Variants in SAMD10 observed in about 807,000 individuals in gnomAD.
The protein encoded by SAMD10 is sterile alpha motif domain-containing protein 10.
In SAMD10, 16 loss-of-function variants were observed where a neutral mutation model predicts 22.5. The ratio of observed to expected loss-of-function variants is 0.71; its 90% CI spans 0.48 to 1.08. SAMD10 has a LOEUF of 1.08. Among genes scored for constraint, SAMD10 ranks in the 50% least tolerant of loss-of-function variants. SAMD10 has a pLI of 0.00. For synonymous variants in SAMD10, 118 were observed against 122.2 expected (o/e 0.97, Z 0.23); for missense variants, 227 against 281.3 (o/e 0.81, Z 1.38).
rs1011060843 is a variant in SAMD10 at position 63,979,551 on chromosome 20, C to T, written c.-84G>A. 3 of 988,976 alleles carry T rather than the reference C, an allele frequency of 3.0e-6. No individual in the cohort carries two copies. The highest frequency in any genetic ancestry group is 2.4e-6 in the Non-Finnish European group (2 of 833,594). 61.3% of individuals were successfully genotyped at this position (988,976 alleles called of 1,614,324 possible). On this transcript the variant is annotated 5_prime_UTR_variant, in exon 1 of 5. Transcript: ENST00000369886. The surrounding 1 kb of genome is among the most constrained non-coding windows in gnomAD (Gnocchi z 7.7). ...GTGGCCGGCGGGGAACGCGCGCCGC[C>T]GCCCCGCCCCGCCCCAGCCGGCCCC...
chr20:63,978,226 C>A (rs1046426565), intron 1 of SAMD10: 3 of 939,998 alleles, frequency 3.2e-6, no homozygotes, highest in Non-Finnish European at 4.6e-6. Flanking sequence ...TTGTCATCAT[C>A]TCTGGGGGCA....
rs780817994 is a variant in SAMD10 at position 63,975,739 on chromosome 20, C to T, written c.539G>A (p.Arg180His). Residue 180 changes from arginine to histidine, a missense_variant, in exon 4 of 5, where the codon CGC (arginine) becomes CAC (histidine). By Grantham distance (29) the Arg-to-His change is conservative. Transcript: ENST00000369886. ...CCGCCCCTCCTCACGCACCTGCAGG[C>T]GGAGCACCTGCTGCAGCACCTCCTG... ...QRQEVLQQVL[R>H]LQVREEGRSL... 1.7e-5 allele frequency: 28 copies of T among 1,605,632 alleles called. No individual in the cohort carries two copies. Among genetic ancestry groups the T allele is most frequent in the African/African-American group, 8.0e-5 (6 of 74,832 alleles).
intron 1 of SAMD10, chr20:63,978,214 C>T: frequency 1.2e-6 from 1 of 827,554 alleles, no homozygotes; most frequent in South Asian, 1.4e-5. Context: ...TTCATCTGAG[C>T]TTTGTCATCA....
At position 63,979,338 on chromosome 20, in the gene SAMD10, G is replaced by T; in HGVS notation, c.91+39C>A. On this transcript the variant is annotated intron_variant, in intron 1 of 4. Coordinates refer to ENST00000369886, the MANE Select transcript of SAMD10 (RefSeq NM_080621.5). This position sits in a 1 kb window ranked among gnomAD's most constrained non-coding sequence, Gnocchi z 7.7. Reference sequence around the variant, plus strand: ...GTGCCTCTGGGTCCCTGAGACCCCCGCCCGAGAAATCCCCGCTCCCCAATC... The same window carrying T: ...GTGCCTCTGGGTCCCTGAGACCCCCTCCCGAGAAATCCCCGCTCCCCAATC... The T allele has an allele frequency of 1.2e-6, 1 of 845,848 alleles. No homozygotes were observed. The highest frequency in any genetic ancestry group is 1.6e-6 in the Non-Finnish European group (1 of 634,536). The allele number at this position is 845,848 out of a possible 1,614,324, so 52.4% of individuals were successfully genotyped here.
At chr20:63,979,709 C>T, upstream of SAMD10, 1 of 984,742 alleles carries the variant, frequency 1.0e-6, no homozygotes, top group Non-Finnish European at 1.2e-6. This position sits in a 1 kb window ranked among gnomAD's most constrained non-coding sequence, Gnocchi z 7.7. Flanking sequence ...CCAAGGCTGT[C>T]CGCCAGGGCG....
At chr20:63,976,398 G>C (rs1465071553) in intron 3 of SAMD10, among the ~76,000 whole-genome samples, 1 of 151,126 alleles carries the variant, frequency 6.6e-6, no homozygotes, top group Non-Finnish European at 1.5e-5. Flanking sequence ...AGGAAGGAGA[G>C]CAAAAGGCAG....
At position 63,977,292 on chromosome 20, in the gene SAMD10, C is replaced by T. The variant is rs765468533; in HGVS notation, c.206G>A (p.Arg69His). 72 of 1,613,278 alleles carry T rather than the reference C, an allele frequency of 4.5e-5. No individual in the cohort carries two copies. Among genetic ancestry groups the T allele is most frequent in the Non-Finnish European group, 5.6e-5 (66 of 1,180,020 alleles). ...CCTGCTGCTGGCCGCCCTCTGGCTG[C>T]GGGAGTCATGCCACGTGAGGCTGGT... ...PGTSLTWHDS[R>H]SQRAASSRPI... The change falls in exon 2 of 5, where the codon CGC becomes CAC. Residue 69 changes from arginine (R) to histidine (H), a missense_variant. Coordinates refer to ENST00000369886, the MANE Select transcript of SAMD10 (RefSeq NM_080621.5). This position sits in a 1 kb window ranked among gnomAD's most constrained non-coding sequence, Gnocchi z 5.4.
At position 63,977,228 on chromosome 20, in the gene SAMD10, G is replaced by C; in HGVS notation, c.270C>G (p.Pro90=). 1 of 1,613,540 alleles carries C rather than the reference G, an allele frequency of 6.2e-7. No individual in the cohort carries two copies. Among genetic ancestry groups the C allele is most frequent in the Non-Finnish European group, 8.5e-7 (1 of 1,179,926 alleles). ...GGTGGGTGGAGTGGGTGGGTACCTG[G>C]GGGGTGTCTGTGCCGGGCTGCTGCA... is the stretch of plus-strand genomic sequence containing the variant. ...KLLQQPGTDT[P]QGRLYSDHYG... is the part of the protein sequence containing the mutation. The change falls in exon 2 of 5, where the codon CCC becomes CCG. Residue 90 remains proline (P), a synonymous_variant. Coordinates refer to ENST00000369886, the MANE Select transcript of SAMD10 (RefSeq NM_080621.5). The surrounding 1 kb of genome is among the most constrained non-coding windows in gnomAD (Gnocchi z 5.4).
Position 63,977,159 on chromosome 20 carries a change from T to C in SAMD10, c.274-17A>G. On this transcript the variant is annotated splice_polypyrimidine_tract_variant and intron_variant, in intron 2 of 4. Transcript: ENST00000369886. The surrounding 1 kb of genome is among the most constrained non-coding windows in gnomAD (Gnocchi z 5.4). ...CAGCCGGCCCTGCAGGGGAGGGGCG[T>C]GGCAGGCAGAGTGAGAGTGGTGGAG... 1 of 1,590,098 alleles carries C rather than the reference T, an allele frequency of 6.3e-7. No individual in the cohort carries two copies. The highest frequency in any genetic ancestry group is 8.6e-7 in the Non-Finnish European group (1 of 1,167,066).
At position 63,974,670 on chromosome 20, in the gene SAMD10, G is replaced by A. The variant is rs1348087247; in HGVS notation, c.*840C>T. 6.6e-6 allele frequency: 1 copy of A among 152,302 alleles called. No homozygotes were observed. The highest frequency in any genetic ancestry group is 1.5e-5 in the Non-Finnish European group (1 of 68,104). The allele number at this position is 152,302 out of a possible 1,614,324, so 9.4% of individuals were successfully genotyped here. On this transcript the variant is annotated 3_prime_UTR_variant, in exon 5 of 5. Coordinates refer to ENST00000369886, the MANE Select transcript of SAMD10 (RefSeq NM_080621.5). ...CCTGAATCCAGGCCTTCTTGGGAAA[G>A]CAGCAATGGGAAGGCCCACGCACAA...
chr20:63,975,147 G>T lies in SAMD10; in HGVS notation c.*363C>A. The T allele has an allele frequency of 3.2e-6, 1 of 314,286 alleles. No homozygotes were observed. The highest frequency in any genetic ancestry group is 3.2e-5 in the South Asian group (1 of 30,992). 19.5% of individuals were successfully genotyped at this position (314,286 alleles called of 1,614,324 possible). ...GCAGGCGATGGGGGACCGACATCAC[G>T]TGGAGAGGGGAATGTAAATAAACAG... is the stretch of plus-strand genomic sequence containing the variant. On this transcript the variant is annotated 3_prime_UTR_variant, in exon 5 of 5. Coordinates refer to ENST00000369886, the MANE Select transcript of SAMD10 (RefSeq NM_080621.5).
chr20:63,977,479 C>A lies in SAMD10; in HGVS notation c.92-73G>T. 6.8e-7 allele frequency: 1 copy of A among 1,460,848 alleles called. No homozygotes were observed. Among genetic ancestry groups the A allele is most frequent in the East Asian group, 2.3e-5 (1 of 42,768 alleles). 90.5% of individuals were successfully genotyped at this position (1,460,848 alleles called of 1,614,324 possible). On this transcript the variant is annotated intron_variant, in intron 1 of 4. Transcript: ENST00000369886. This position sits in a 1 kb window ranked among gnomAD's most constrained non-coding sequence, Gnocchi z 5.4. ...GCTTCCTCTACTTGAGAGCTAGCTC[C>A]CTGCCCCATCTCCTCCACACTAGTG...
Position 63,977,498 on chromosome 20 carries a change from A to C in SAMD10, c.92-92T>G, listed in dbSNP as rs1211984178. ...TAGCTCCCTGCCCCATCTCCTCCAC[A>C]CTAGTGCGGGAAATCACCTCCCCAA... On this transcript the variant is annotated intron_variant, in intron 1 of 4. Coordinates refer to ENST00000369886, the MANE Select transcript of SAMD10 (RefSeq NM_080621.5). The surrounding 1 kb of genome is among the most constrained non-coding windows in gnomAD (Gnocchi z 5.4). 5.3e-6 allele frequency: 7 copies of C among 1,314,978 alleles called. No individual in the cohort carries two copies. Among genetic ancestry groups the C allele is most frequent in the Middle Eastern group, 2.7e-4 (1 of 3,720 alleles). 81.5% of individuals were successfully genotyped at this position (1,314,978 alleles called of 1,614,324 possible).
At chr20:63,978,047 C>G (rs947157636) in intron 1 of SAMD10, among the ~76,000 whole-genome samples, 1 of 152,392 alleles carries the variant, frequency 6.6e-6, no homozygotes, top group Non-Finnish European at 1.5e-5. Context: ...TGCCGCCCCC[C>G]ACAGGGCCTG....
At position 63,975,319 on chromosome 20, in the gene SAMD10, C is replaced by CAGGGCACGACCTGGAATGTCCAACCAG; in HGVS notation, c.*164_*190dup. 2 of 638,672 alleles carry CAGGGCACGACCTGGAATGTCCAACCAG rather than the reference C, an allele frequency of 3.1e-6. No homozygotes were observed. The highest frequency in any genetic ancestry group is 6.4e-5 in the East Asian group (2 of 31,376). 39.6% of individuals were successfully genotyped at this position (638,672 alleles called of 1,614,324 possible). On this transcript the variant is annotated 3_prime_UTR_variant, in exon 5 of 5. Transcript: ENST00000369886. ...AAGCAGCCCCCTACCCACCCAGCCC[C>CAGGGCACGACCTGGAATGTCCAACCAG]AGGGCACGACCTGGAATGTCCAACC...
chr20:63,979,515 G>T lies in SAMD10; in HGVS notation c.-48C>A. The T allele has an allele frequency of 8.8e-7, 1 of 1,138,966 alleles. No individual in the cohort carries two copies. Among genetic ancestry groups the T allele is most frequent in the Non-Finnish European group, 1.1e-6 (1 of 928,558 alleles). 70.6% of individuals were successfully genotyped at this position (1,138,966 alleles called of 1,614,324 possible). On this transcript the variant is annotated 5_prime_UTR_variant, in exon 1 of 5. In the 5' UTR this introduces an upstream ATG that the reference lacks. Coordinates refer to ENST00000369886, the MANE Select transcript of SAMD10 (RefSeq NM_080621.5). This position sits in a 1 kb window ranked among gnomAD's most constrained non-coding sequence, Gnocchi z 7.7. ...GCGCACACGCCCCTCGCCGAGTGCA[G>T]GGCGGCCGGTGTGGCCGGCGGGGAA...
chr20:63,977,421 G>T lies in SAMD10; in HGVS notation c.92-15C>A. ...GTGGGCAGTGGCTGTGTGTGGGGGT[G>T]CCTGGTCAGGGCAGTCAAGGGCAGA... On this transcript the variant is annotated splice_polypyrimidine_tract_variant and intron_variant, in intron 1 of 4. Coordinates refer to ENST00000369886, the MANE Select transcript of SAMD10 (RefSeq NM_080621.5). The surrounding 1 kb of genome is among the most constrained non-coding windows in gnomAD (Gnocchi z 5.4). 1 of 1,611,782 alleles carries T rather than the reference G, an allele frequency of 6.2e-7. No homozygotes were observed.
At chr20:63,976,358 CAG>C (rs2059022314) in intron 3 of SAMD10, among the ~76,000 whole-genome samples, 1 of 151,872 alleles carries the variant, frequency 6.6e-6, no homozygotes, top group African/African-American at 2.4e-5. Flanking sequence ...GCAAAACACA[CAG>C]AGACTTAAAG....
Position 63,977,718 on chromosome 20 carries a change from G to A in SAMD10, c.92-312C>T, listed in dbSNP as rs1401875911. Among the ~76,000 whole-genome samples, 2 of 152,370 alleles carry A rather than the reference G, an allele frequency of 1.3e-5. No homozygotes were observed. The highest frequency in any genetic ancestry group is 3.9e-4 in the East Asian group (2 of 5,190). On this transcript the variant is annotated intron_variant, in intron 1 of 4. Coordinates refer to ENST00000369886, the MANE Select transcript of SAMD10 (RefSeq NM_080621.5). This position sits in a 1 kb window ranked among gnomAD's most constrained non-coding sequence, Gnocchi z 5.4. ...GAAGGGAACCTGAGACATATGACAA[G>A]AGGAGCTATCCTGGGACAGCCCTGA...
Sources: gnomAD v4.1 joint callset for allele counts (sites outside exome capture counted in the v4.1 genomes callset) on GRCh38, gnomAD v4.1.1 for gene constraint, Gnocchi (gnomAD v3.1) non-coding constraint, MANE v1.5 for transcripts, NCBI Gene and HGNC (gene_info 2026-07-23, HGNC 2026-07-21) for gene names.